Variants in PRKN observed in about 807,000 individuals in gnomAD.
The protein encoded by PRKN is E3 ubiquitin-protein ligase parkin.
Under a neutral mutation model 59.5 loss-of-function variants are expected in PRKN, and 56 were observed. The observed-to-expected ratio is 0.94, with a 90% confidence interval of 0.76 to 1.18. The LOEUF (loss-of-function observed/expected upper bound fraction) is 1.18, where lower values mean the gene tolerates loss of function less well. Ranked by LOEUF, PRKN falls within the 50% of genes most tolerant of loss-of-function variation. PRKN has a pLI of 0.00. For synonymous variants in PRKN, 250 were observed against 222.1 expected (o/e 1.13, Z -1.12); for missense variants, 657 against 596.4 (o/e 1.10, Z -1.06).
intron 1 of PRKN, among the ~76,000 whole-genome samples, chr6:162,655,305 T>A (rs1213665662): frequency 6.6e-6 from 1 of 152,190 alleles, no homozygotes; most frequent in Non-Finnish European, 1.5e-5. Context: ...ATTTCCTTGG[T>A]AGTTTTTTGA....
chr6:162,184,535 A>G (rs1783940295), intron 4 of PRKN, among the ~76,000 whole-genome samples: 1 of 151,966 alleles, frequency 6.6e-6, no homozygotes, highest in South Asian at 2.1e-4. Context: ...TGCGGTTCTC[A>G]TTTCTTCTCT....
intron 4 of PRKN, among the ~76,000 whole-genome samples, chr6:162,189,772 C>A (rs1312990227): frequency 6.6e-6 from 1 of 151,910 alleles, no homozygotes; most frequent in East Asian, 2.0e-4. Context: ...TTGGTTTATA[C>A]TGACCTTTAC....
In PRKN at chr6:161,560,750, A is replaced by G. The variant is rs73593455; in HGVS notation, c.933+8605T>C. Among the ~76,000 whole-genome samples the G allele has an allele frequency of 0.016, 2,462 of 152,264 alleles. 74 individuals are homozygous for G. The highest frequency in any genetic ancestry group is 0.057 in the African/African-American group (2,384 of 41,522). On this transcript the variant is annotated intron_variant, in intron 8 of 11. Transcript: ENST00000366898. This position sits in a 1 kb window ranked among gnomAD's most constrained non-coding sequence, Gnocchi z 4.9. Reference sequence around the variant, plus strand: ...CTCTTATCTTTCCAAATCTCTTGCTAAAGTATGAACATTGCTTAAATTCTT... The same window carrying G: ...CTCTTATCTTTCCAAATCTCTTGCTGAAGTATGAACATTGCTTAAATTCTT...
intron 8 of PRKN, among the ~76,000 whole-genome samples, chr6:161,553,427 CTCTA>C: frequency 6.6e-6 from 1 of 151,670 alleles, no homozygotes; most frequent in East Asian, 1.9e-4. Context: ...TGGTCCCTCC[CTCTA>C]TCTCTCTGTC....
intron 2 of PRKN, among the ~76,000 whole-genome samples, chr6:162,359,450 A>G (rs1349435674): frequency 6.6e-6 from 1 of 152,096 alleles, no homozygotes; most frequent in Non-Finnish European, 1.5e-5. Flanking sequence ...AAATTCAATC[A>G]CTTGACTTTT....
chr6:161,972,497 C>T (rs1043298388), intron 6 of PRKN, among the ~76,000 whole-genome samples: 2 of 152,106 alleles, frequency 1.3e-5, no homozygotes, highest in African/African-American at 2.4e-5. Flanking sequence ...CACCGCAATT[C>T]GTATTGAGTC....
intron 4 of PRKN, among the ~76,000 whole-genome samples, chr6:162,057,142 G>C (rs1777900350): frequency 6.6e-6 from 1 of 152,056 alleles, no homozygotes; most frequent in Non-Finnish European, 1.5e-5. Context: ...CACATAGGAG[G>C]GTCGGGGCTC....
chr6:162,112,608 T>G (rs746556031), intron 4 of PRKN, among the ~76,000 whole-genome samples: 4 of 152,060 alleles, frequency 2.6e-5, no homozygotes, highest in African/African-American at 4.8e-5. Flanking sequence ...AATTAGGTCT[T>G]CCATCACACT....
chr6:162,615,933 A>T (rs1782389886), intron 1 of PRKN, among the ~76,000 whole-genome samples: 1 of 152,200 alleles, frequency 6.6e-6, no homozygotes, highest in Admixed American at 6.6e-5. Context: ...TATTTAACCA[A>T]GGTAATCATT....
intron 2 of PRKN, among the ~76,000 whole-genome samples, chr6:162,321,699 T>C (rs1394619604): frequency 6.6e-6 from 1 of 152,012 alleles, no homozygotes; most frequent in Non-Finnish European, 1.5e-5. Flanking sequence ...GCAAGTTTGA[T>C]TTAACCTTTG....
At chr6:162,511,195 A>G (rs1777600637) in intron 1 of PRKN, among the ~76,000 whole-genome samples, 1 of 151,912 alleles carries the variant, frequency 6.6e-6, no homozygotes, top group African/African-American at 2.4e-5. Context: ...GCCTAATTTA[A>G]TATTACTTTT....
At chr6:162,456,784 A>G (rs1035814239) in intron 1 of PRKN, among the ~76,000 whole-genome samples, 10 of 152,136 alleles carry the variant, frequency 6.6e-5, no homozygotes, top group Non-Finnish European at 1.0e-4. Context: ...ATTACATTTT[A>G]TTGATTCATT....
At chr6:161,844,549 T>A (rs1470027397) in intron 6 of PRKN, among the ~76,000 whole-genome samples, 1 of 152,258 alleles carries the variant, frequency 6.6e-6, no homozygotes, top group Admixed American at 6.5e-5. Flanking sequence ...CATGTGGCTG[T>A]TGAACCACAA....
At chr6:162,272,576 C>G (rs768976947) in intron 2 of PRKN, among the ~76,000 whole-genome samples, 2 of 152,110 alleles carry the variant, frequency 1.3e-5, no homozygotes, top group Non-Finnish European at 2.9e-5. Flanking sequence ...CACTACCCAA[C>G]AGAACCACAT....
At chr6:162,007,651 C>A (rs568950892) in intron 5 of PRKN, among the ~76,000 whole-genome samples, 3 of 151,974 alleles carry the variant, frequency 2.0e-5, no homozygotes, top group Non-Finnish European at 4.4e-5. Context: ...AATCCATCTG[C>A]TCATCACAAC....
intron 7 of PRKN, among the ~76,000 whole-genome samples, chr6:161,714,888 T>C (rs1263540610): frequency 3.3e-5 from 5 of 152,292 alleles, no homozygotes; most frequent in East Asian, 1.9e-4. Context: ...TTCCTTGAAA[T>C]TGGCATTTTC....
intron 1 of PRKN, among the ~76,000 whole-genome samples, chr6:162,535,601 G>A (rs1376826248): frequency 6.6e-6 from 1 of 151,812 alleles, no homozygotes; most frequent in Non-Finnish European, 1.5e-5. Context: ...TAGCATTCCA[G>A]AATCAAAGTT....
chr6:161,847,799 A>T (rs1443067197), intron 6 of PRKN, among the ~76,000 whole-genome samples: 1 of 152,208 alleles, frequency 6.6e-6, no homozygotes, highest in East Asian at 1.9e-4. Context: ...TAGGCATAGG[A>T]CTGGGAACCA....
chr6:161,653,155 G>A (rs571742287), intron 7 of PRKN, among the ~76,000 whole-genome samples: 2 of 152,076 alleles, frequency 1.3e-5, no homozygotes, highest in Non-Finnish European at 2.9e-5. Context: ...CAAGGTCAAA[G>A]ATCGAGACCA....
Sources: allele counts gnomAD v4.1 joint callset (sites outside exome capture counted in the v4.1 genomes callset), GRCh38; gene constraint gnomAD v4.1.1; non-coding constraint Gnocchi (gnomAD v3.1); transcripts MANE v1.5; gene names NCBI Gene and HGNC (gene_info 2026-07-23, HGNC 2026-07-21).